GRM1: variants seen among roughly 807,000 people sequenced by gnomAD.
GRM1 encodes the protein glutamate metabotropic receptor 1.
In GRM1, 33 loss-of-function variants were observed where a neutral mutation model predicts 90.9. The ratio of observed to expected loss-of-function variants is 0.36; its 90% CI spans 0.28 to 0.49. The LOEUF (loss-of-function observed/expected upper bound fraction) is 0.49, where lower values mean the gene tolerates loss of function less well. Ranked by LOEUF, GRM1 falls within the 20% of genes least tolerant of loss-of-function variation. GRM1 has a pLI of 0.99. For missense variants in GRM1, 1,190 were observed against 1,534.3 expected (o/e 0.78, Z 3.75); for synonymous variants, 700 against 613.2 (o/e 1.14, Z -2.09).
intron 1 of GRM1, among the ~76,000 whole-genome samples, chr6:146,120,730 T>C (rs1775952154): frequency 6.6e-6 from 1 of 152,358 alleles, no homozygotes; most frequent in Non-Finnish European, 1.5e-5. Flanking sequence ...ATTTATATGC[T>C]GGATTACATT....
At chr6:146,039,964 G>T (rs1445398160) in intron 1 of GRM1, among the ~76,000 whole-genome samples, 1 of 151,996 alleles carries the variant, frequency 6.6e-6, no homozygotes, top group African/African-American at 2.4e-5. Context: ...GATCCCATAG[G>T]CCACCGATCT....
At chr6:146,079,089 A>G (rs1035252721) in intron 1 of GRM1, among the ~76,000 whole-genome samples, 1 of 152,146 alleles carries the variant, frequency 6.6e-6, no homozygotes, top group Admixed American at 6.5e-5. Context: ...TGCAAATCTC[A>G]TGAACTTCCT....
At chr6:146,202,758 G>A (rs6570741) in intron 2 of GRM1, among the ~76,000 whole-genome samples, 33,067 of 152,054 alleles carry the variant, frequency 0.22, 7,383 homozygotes, top group African/African-American at 0.57. Context: ...TGAGATTCTC[G>A]GATTCAGTAC....
chr6:146,351,563 G>A (rs1306562185), intron 3 of GRM1, among the ~76,000 whole-genome samples: 2 of 152,154 alleles, frequency 1.3e-5, no homozygotes, highest in Non-Finnish European at 2.9e-5. Flanking sequence ...TGTGACATAG[G>A]TAGAAATGAT....
At chr6:146,052,001 C>T (rs534007438) in intron 1 of GRM1, among the ~76,000 whole-genome samples, 4 of 152,086 alleles carry the variant, frequency 2.6e-5, no homozygotes, top group Middle Eastern at 3.4e-3. Context: ...GTAACTTTCT[C>T]GAGAGTAGGA....
chr6:146,049,257 T>G (rs926006598), intron 1 of GRM1, among the ~76,000 whole-genome samples: 1 of 152,002 alleles, frequency 6.6e-6, no homozygotes, highest in African/African-American at 2.4e-5. Flanking sequence ...TGGTAAAGCA[T>G]CATTTTTGAG....
chr6:146,159,641 T>TCTCTCTCTCTCACACA (rs372590505), intron 2 of GRM1, 44 bp downstream of exon 2: 40 of 728,644 alleles, frequency 5.5e-5, no homozygotes, highest in South Asian at 1.2e-4. Flanking sequence ...TCTCTCTCTC[T>TCTCTCTCTCTCACACA]CACACACACA....
At chr6:146,038,013 C>T (rs898904533) in intron 1 of GRM1, among the ~76,000 whole-genome samples, 1 of 151,964 alleles carries the variant, frequency 6.6e-6, no homozygotes, top group African/African-American at 2.4e-5. Flanking sequence ...TAATAAAAGT[C>T]CTTTCGCAGA....
chr6:146,122,671 G>A (rs1776033592), intron 1 of GRM1, among the ~76,000 whole-genome samples: 1 of 151,572 alleles, frequency 6.6e-6, no homozygotes, highest in Non-Finnish European at 1.5e-5. Flanking sequence ...CTGATATTTG[G>A]TATTCATTTT....
At chr6:146,095,304 T>C (rs1048928175) in intron 1 of GRM1, among the ~76,000 whole-genome samples, 1 of 152,134 alleles carries the variant, frequency 6.6e-6, no homozygotes, top group Non-Finnish European at 1.5e-5. Flanking sequence ...GGTCAAATGG[T>C]GAGCAGATTG....
At chr6:146,280,752 G>T (rs1227635945) in intron 2 of GRM1, among the ~76,000 whole-genome samples, 1 of 151,986 alleles carries the variant, frequency 6.6e-6, no homozygotes, top group Non-Finnish European at 1.5e-5. Context: ...CCTAGTAGCT[G>T]GGACTAATGA....
chr6:146,236,188 T>C (rs1248496761), intron 2 of GRM1, among the ~76,000 whole-genome samples: 1 of 152,140 alleles, frequency 6.6e-6, no homozygotes, highest in Non-Finnish European at 1.5e-5. Context: ...AGTAGTGTTG[T>C]TTTCAAAAGT....
intron 3 of GRM1, among the ~76,000 whole-genome samples, chr6:146,336,732 A>G (rs537158365): frequency 1.3e-5 from 2 of 151,930 alleles, no homozygotes; most frequent in African/African-American, 2.4e-5. Flanking sequence ...AGTATTGGCA[A>G]CTCTTCTGAT....
intron 1 of GRM1, among the ~76,000 whole-genome samples, chr6:146,114,782 A>G (rs1775681650): frequency 4.6e-5 from 7 of 152,178 alleles, no homozygotes; most frequent in Admixed American, 4.6e-4. Context: ...TAGACTATAT[A>G]AACTACATAT....
At chr6:146,220,848 C>T (rs1246472721) in intron 2 of GRM1, among the ~76,000 whole-genome samples, 2 of 151,886 alleles carry the variant, frequency 1.3e-5, no homozygotes, top group Non-Finnish European at 2.9e-5. Flanking sequence ...CAGATGCTAC[C>T]TCAAGTATCA....
At chr6:146,074,212 C>T (rs1387037953) in intron 1 of GRM1, among the ~76,000 whole-genome samples, 1 of 152,138 alleles carries the variant, frequency 6.6e-6, no homozygotes, top group Non-Finnish European at 1.5e-5. Context: ...TTCTTCTCCT[C>T]CTCCCTAGCA....
intron 3 of GRM1, among the ~76,000 whole-genome samples, chr6:146,309,398 CAA>C (rs1395434347): frequency 1.7e-5 from 2 of 114,462 alleles, no homozygotes; most frequent in Admixed American, 8.9e-5. Flanking sequence ...GACTCTGTCT[CAA>C]AAAAAAAAAA....
At chr6:146,110,322 G>A (rs983665426) in intron 1 of GRM1, among the ~76,000 whole-genome samples, 3 of 152,112 alleles carry the variant, frequency 2.0e-5, no homozygotes, top group African/African-American at 7.2e-5. Flanking sequence ...GATAGTGAAT[G>A]AGTCTCATGG....
Position 146,372,640 on chromosome 6 carries a change from G to C in GRM1, c.1603-14250G>C, listed in dbSNP as rs184447423. On this transcript the variant is annotated intron_variant, in intron 5 of 7. Coordinates refer to ENST00000282753, the MANE Select transcript of GRM1 (RefSeq NM_001278064.2). ...TGATATTTATTTGATTTTTGTGTAT[G>C]GGGAGAGGTAGGGGTCTAGTTTCAT... is the stretch of plus-strand genomic sequence containing the variant. Among the ~76,000 whole-genome samples, 3 of 152,154 alleles carry C rather than the reference G, an allele frequency of 2.0e-5. No homozygotes were observed. The East Asian group carries it at 5.8e-4, about 29-fold the overall frequency.
Sources: gnomAD v4.1 joint callset for allele counts (sites outside exome capture counted in the v4.1 genomes callset) on GRCh38, gnomAD v4.1.1 for gene constraint, MANE v1.5 for transcripts, NCBI Gene and HGNC (gene_info 2026-07-23, HGNC 2026-07-21) for gene names.